CMTR1: variants seen among roughly 807,000 people sequenced by gnomAD.
CMTR1 encodes cap-specific mRNA (nucleoside-2'-O-)-methyltransferase 1.
In CMTR1, 39 loss-of-function variants were observed where a neutral mutation model predicts 107.0. The ratio of observed to expected loss-of-function variants is 0.36; its 90% confidence interval spans 0.28 to 0.48. The LOEUF (loss-of-function observed/expected upper bound fraction) is 0.48, where lower values mean the gene tolerates loss of function less well. CMTR1 is among the 20% of genes least tolerant of loss of function. The pLI is 0.99. For synonymous variants in CMTR1, 366 were observed against 379.5 expected (o/e 0.96, Z 0.41); for missense variants, 672 against 1,064.9 (o/e 0.63, Z 5.14).
At chr6:37,437,516 CAAA>C (rs35749564) in intron 2 of CMTR1, among the ~76,000 whole-genome samples, 54 of 118,352 alleles carry the variant, frequency 4.6e-4, no homozygotes, top group African/African-American at 1.6e-3. Context: ...GAGTCCGTCT[CAAA>C]AAAAAAAAAA....
At chr6:37,471,785 G>C (rs1761633214) in intron 14 of CMTR1, 62 bp from the exon 15 acceptor site, 1 of 1,483,162 alleles carries the variant, frequency 6.7e-7, no homozygotes, top group South Asian at 1.1e-5. Context: ...TATGAGGGGT[G>C]CACAGGGGGC....
At chr6:37,473,792 A>G (rs1018600814) in intron 17 of CMTR1, among the ~76,000 whole-genome samples, 191 bp downstream of exon 17, 6 of 152,114 alleles carry the variant, frequency 3.9e-5, no homozygotes, top group African/African-American at 1.2e-4. Context: ...TCATTCATTC[A>G]TTCTTTCATT....
intron 22 of CMTR1, among the ~76,000 whole-genome samples, chr6:37,478,886 C>T (rs957605790): frequency 6.6e-6 from 1 of 152,214 alleles, no homozygotes; most frequent in African/African-American, 2.4e-5. Context: ...CAGAGTCCTA[C>T]ATCTGTCAGA....
the CMTR1 span, among the ~76,000 whole-genome samples, chr6:37,425,787 A>G: frequency 6.6e-6 from 1 of 151,858 alleles, no homozygotes; most frequent in Non-Finnish European, 1.5e-5. Flanking sequence ...TTTTATTTGG[A>G]GTTTGTTAAG....
At chr6:37,465,522 C>T (rs993404309) in intron 13 of CMTR1, among the ~76,000 whole-genome samples, 14 of 152,118 alleles carry the variant, frequency 9.2e-5, no homozygotes, top group Non-Finnish European at 1.6e-4. Context: ...TTATGAAGTG[C>T]TTCTTCAAGT....
intron 8 of CMTR1, among the ~76,000 whole-genome samples, chr6:37,453,984 T>C (rs567752035): frequency 6.6e-6 from 1 of 152,340 alleles, no homozygotes; most frequent in African/African-American, 2.4e-5. Flanking sequence ...ATCATAATTA[T>C]AAGGCTTTGG....
chr6:37,428,596 T>C (rs1771324847), upstream of CMTR1, among the ~76,000 whole-genome samples: 1 of 152,140 alleles, frequency 6.6e-6, no homozygotes, highest in African/African-American at 2.4e-5. Context: ...TAGCTGGGAT[T>C]ACAGATGTGT....
rs1468840557 is a variant in CMTR1 at position 37,466,302 on chromosome 6, G to A, written c.1505+3294G>A. Among the ~76,000 whole-genome samples, 5 of 151,682 alleles carry A rather than the reference G, an allele frequency of 3.3e-5. No individual in the cohort carries two copies. The East Asian group carries it at 5.8e-4, about 18-fold the overall frequency. ...TAATTTTTGTATTTTTGGTAGAGAT[G>A]GAGTTTCACCATGTTGGCCAGGATG... is the stretch of plus-strand genomic sequence containing the variant. On this transcript the variant is annotated intron_variant, in intron 13 of 23. Transcript: ENST00000373451.
intron 19 of CMTR1, chr6:37,475,900 AC>A: frequency 1.8e-6 from 1 of 558,636 alleles, no homozygotes; most frequent in South Asian, 2.0e-5. Context: ...AAACCAACCG[AC>A]ATAGTGAAAT....
rs148170675 is a variant in CMTR1, at chr6:37,450,362, G to A, written c.537+19G>A. On this transcript the variant is annotated intron_variant, in intron 5 of 23. Coordinates refer to ENST00000373451, the MANE Select transcript of CMTR1 (RefSeq NM_015050.3). ...GGGAAAGGTAGGCTTTCAGGAAAAC[G>A]TACCCTGACTTCTTGGCATTCTCTT... The A allele has an allele frequency of 1.7e-4, 265 of 1,579,178 alleles. 1 individual carries two copies. Among genetic ancestry groups the A allele is most frequent in the Middle Eastern group, 1.2e-3 (7 of 5,992 alleles).
the CMTR1 span, among the ~76,000 whole-genome samples, chr6:37,425,605 A>G: frequency 6.6e-6 from 1 of 152,068 alleles, no homozygotes; most frequent in African/African-American, 2.4e-5. Flanking sequence ...ATTCTTGAAT[A>G]TATTGGCCCA....
upstream of CMTR1, among the ~76,000 whole-genome samples, chr6:37,431,308 AGT>A (rs1316257211): frequency 6.6e-6 from 1 of 152,222 alleles, no homozygotes; most frequent in Non-Finnish European, 1.5e-5. Flanking sequence ...GATTACCAAA[AGT>A]GTTCATGTCA....
At chr6:37,453,872 G>C (rs1429060250) in intron 8 of CMTR1, among the ~76,000 whole-genome samples, 3 of 152,176 alleles carry the variant, frequency 2.0e-5, no homozygotes, top group Non-Finnish European at 4.4e-5. Flanking sequence ...CAGAGGGCTA[G>C]GGTAGAACCA....
chr6:37,452,365 C>T (rs1421077871), intron 6 of CMTR1, among the ~76,000 whole-genome samples: 1 of 152,138 alleles, frequency 6.6e-6, no homozygotes, highest in Non-Finnish European at 1.5e-5. Context: ...TAAATGTTAG[C>T]CTCCCCTTGA....
intron 2 of CMTR1, chr6:37,436,472 C>T (rs1474806089): frequency 1.3e-5 from 2 of 152,254 alleles, no homozygotes; most frequent in African/African-American, 4.8e-5. Context: ...CCCAAAACAA[C>T]AGACATTTAT....
chr6:37,437,358 C>T (rs1370211221), intron 2 of CMTR1, among the ~76,000 whole-genome samples: 2 of 151,642 alleles, frequency 1.3e-5, no homozygotes, highest in Non-Finnish European at 2.9e-5. Flanking sequence ...AACCCCATCT[C>T]TACTAAAAAA....
chr6:37,438,425 T>C (rs187351467), intron 2 of CMTR1, among the ~76,000 whole-genome samples: 127 of 152,148 alleles, frequency 8.3e-4, no homozygotes, highest in Non-Finnish European at 1.5e-3. Context: ...TCCAGTTCCT[T>C]GTATGTGTCT....
At chr6:37,447,992 C>G (rs1174959538) in intron 4 of CMTR1, among the ~76,000 whole-genome samples, 1 of 151,990 alleles carries the variant, frequency 6.6e-6, no homozygotes, top group African/African-American at 2.4e-5. Flanking sequence ...AGGTGGATCT[C>G]AAGGTCAGGA....
intron 13 of CMTR1, 109 bp downstream of exon 13, chr6:37,463,117 T>G: frequency 1.7e-6 from 2 of 1,174,534 alleles, no homozygotes; most frequent in Non-Finnish European, 2.5e-6. Flanking sequence ...CCCTGACAAA[T>G]TGGCAACTGG....
Sources: gnomAD v4.1 joint callset for allele counts (sites outside exome capture counted in the v4.1 genomes callset) on GRCh38, gnomAD v4.1.1 for gene constraint, MANE v1.5 for transcripts, NCBI Gene and HGNC (gene_info 2026-07-23, HGNC 2026-07-21) for gene names.